ATP11A: variants seen among roughly 807,000 people sequenced by gnomAD.
The protein encoded by ATP11A is phospholipid-transporting ATPase IH.
A neutral mutation model predicts 154.4 loss-of-function variants in ATP11A; 81 were observed. That is an observed-to-expected ratio of 0.52 (90% confidence interval 0.44 to 0.63). The LOEUF (loss-of-function observed/expected upper bound fraction) is 0.63, where lower values mean the gene tolerates loss of function less well. Ranked by LOEUF, ATP11A falls within the 30% of genes least tolerant of loss-of-function variation. The pLI is 0.00. For synonymous variants in ATP11A, 623 were observed against 585.9 expected (o/e 1.06, Z -0.91); for missense variants, 1,316 against 1,474.3 (o/e 0.89, Z 1.76).
chr13:112,872,598 G>A (rs372449592), intron 26 of ATP11A, among the ~76,000 whole-genome samples: 13 of 152,342 alleles, frequency 8.5e-5, no homozygotes, highest in African/African-American at 2.2e-4. Context: ...GCGACAGAGC[G>A]AGACTGTCTC....
chr13:112,800,115 G>A (rs1176246528), intron 2 of ATP11A, among the ~76,000 whole-genome samples: 1 of 151,586 alleles, frequency 6.6e-6, no homozygotes, highest in African/African-American at 2.4e-5. Flanking sequence ...TTCAACATTA[G>A]GAAACTTAAC....
At position 112,851,090 on chromosome 13, in the gene ATP11A, T is replaced by C. The variant is rs768569757; in HGVS notation, c.1863T>C (p.Tyr621=). Residue 621 remains tyrosine (Y), a synonymous_variant, in exon 18 of 30, where the codon TAT becomes TAC. Transcript: ENST00000375645. ...VAYKRLIQEE[Y]EGICKLLQAA... ...ATAAAAGGCTGATCCAAGAAGAATA[T>C]GAAGGCATTTGTAAGCTGCTGCAGG... 1.2e-6 allele frequency: 2 copies of C among 1,614,230 alleles called. No homozygotes were observed. The highest frequency in any genetic ancestry group is 1.1e-5 in the South Asian group (1 of 91,092).
chr13:112,840,649 C>G (rs948586189), intron 16 of ATP11A, among the ~76,000 whole-genome samples: 3 of 151,898 alleles, frequency 2.0e-5, no homozygotes, highest in Admixed American at 6.6e-5. Flanking sequence ...TCACCAGGTG[C>G]CATCCTCTCT....
At chr13:112,816,338 C>A (rs1202589826) in intron 6 of ATP11A, 127 bp downstream of exon 6, 2 of 1,225,974 alleles carry the variant, frequency 1.6e-6, no homozygotes, top group Non-Finnish European at 2.2e-6. Flanking sequence ...CAGGGAGTTA[C>A]ACCAGCCATG....
chr13:112,729,746 C>T (rs932555602), intron 1 of ATP11A, among the ~76,000 whole-genome samples: 1 of 152,256 alleles, frequency 6.6e-6, no homozygotes, highest in Non-Finnish European at 1.5e-5. Flanking sequence ...GTGAGGCCAG[C>T]AGGCCGCTGA....
intron 2 of ATP11A, among the ~76,000 whole-genome samples, chr13:112,791,558 G>A (rs2077858817): frequency 6.6e-6 from 1 of 152,232 alleles, no homozygotes; most frequent in South Asian, 2.1e-4. Flanking sequence ...GCCCATGGCG[G>A]CTTTGGAGGA....
intron 1 of ATP11A, among the ~76,000 whole-genome samples, chr13:112,730,502 C>T (rs549671740): frequency 9.8e-5 from 15 of 152,326 alleles, no homozygotes; most frequent in Admixed American, 9.8e-4. Context: ...CCTGACACAT[C>T]CCTGTTCTCT....
intron 18 of ATP11A, 107 bp from the exon 19 acceptor site, chr13:112,854,172 G>A: frequency 1.4e-6 from 2 of 1,441,974 alleles, no homozygotes; most frequent in South Asian, 2.7e-5. Flanking sequence ...TTGATTTTGA[G>A]GGGCTACGAT....
intron 25 of ATP11A, among the ~76,000 whole-genome samples, chr13:112,870,916 C>T (rs1053497188): frequency 6.6e-6 from 1 of 152,198 alleles, no homozygotes; most frequent in Non-Finnish European, 1.5e-5. Flanking sequence ...GCACGCGGTC[C>T]TCACGGGTGT....
chr13:112,791,579 C>G (rs576611337), intron 2 of ATP11A, among the ~76,000 whole-genome samples: 1 of 152,324 alleles, frequency 6.6e-6, no homozygotes, highest in Admixed American at 6.5e-5. Context: ...GATGACAGAG[C>G]ATGGCGAATT....
chr13:112,878,942 G>A (rs561146417), intron 29 of ATP11A, among the ~76,000 whole-genome samples: 1 of 152,286 alleles, frequency 6.6e-6, no homozygotes, highest in Admixed American at 6.5e-5. Flanking sequence ...AAACCTCATT[G>A]TTTTTCAAAA....
chr13:112,802,332 C>T (rs1437059776), intron 2 of ATP11A, among the ~76,000 whole-genome samples: 4 of 151,682 alleles, frequency 2.6e-5, no homozygotes, highest in East Asian at 1.9e-4. Flanking sequence ...GGCAACAGAG[C>T]GAGACTCCGT....
chr13:112,875,969 G>T lies in ATP11A; in HGVS notation c.3327+28G>T. 1 of 1,594,806 alleles carries T rather than the reference G, an allele frequency of 6.3e-7. No individual in the cohort carries two copies. Among genetic ancestry groups the T allele is most frequent in the Non-Finnish European group, 8.5e-7 (1 of 1,173,022 alleles). ...ACGGAGTGTCCCCAGCCGGGGCGGG[G>T]GTGCCTCAGGGCCCTGGCCTTAGGA... is the stretch of plus-strand genomic sequence containing the variant. On this transcript the variant is annotated intron_variant, in intron 28 of 29. Transcript: ENST00000375645. The surrounding 1 kb of genome is among the most constrained non-coding windows in gnomAD (Gnocchi z 4.1).
At chr13:112,837,106 T>G (rs2079258455) in intron 16 of ATP11A, among the ~76,000 whole-genome samples, 1 of 152,232 alleles carries the variant, frequency 6.6e-6, no homozygotes, top group Non-Finnish European at 1.5e-5. Flanking sequence ...CCTGGCTGTT[T>G]GCCCTGGACA....
At chr13:112,802,342 T>C (rs2078159663) in intron 2 of ATP11A, among the ~76,000 whole-genome samples, 1 of 150,232 alleles carries the variant, frequency 6.7e-6, no homozygotes, top group Admixed American at 6.6e-5. Context: ...CGAGACTCCG[T>C]CTCACAAAAA....
rs1031348098 is a variant in ATP11A, at chr13:112,882,724, CCAT to C, written c.*861_*863del. ...CCCTGCCGCAGAAGTGCCAGGATGT[CCAT>C]CAGCCACTCGCCAGGGCACGGAGCC... On this transcript the variant is annotated 3_prime_UTR_variant, in exon 30 of 30. Coordinates refer to ENST00000375645, the MANE Select transcript of ATP11A (RefSeq NM_015205.3). This position sits in a 1 kb window ranked among gnomAD's most constrained non-coding sequence, Gnocchi z 5.1. The C allele has an allele frequency of 1.1e-4, 42 of 399,962 alleles. No homozygotes were observed. The highest frequency in any genetic ancestry group is 8.0e-4 in the African/African-American group (39 of 48,754). The allele number at this position is 399,962 out of a possible 1,614,324, so 24.8% of individuals were successfully genotyped here. A position where few individuals can be genotyped will look rare whatever the true frequency, so the allele number is the denominator to read the frequency against.
chr13:112,694,087 A>C (rs992300491), intron 1 of ATP11A, among the ~76,000 whole-genome samples: 3 of 152,234 alleles, frequency 2.0e-5, no homozygotes, highest in African/African-American at 7.2e-5. Flanking sequence ...CGGGTAGCTT[A>C]GATACTTTTC....
chr13:112,880,959 C>T, intron 29 of ATP11A: 5 of 992,294 alleles, frequency 5.0e-6, no homozygotes, highest in Non-Finnish European at 6.0e-6. Context: ...GACACAGCTT[C>T]ACTTAAAAGG....
chr13:112,693,246 A>G (rs1409312343), intron 1 of ATP11A, among the ~76,000 whole-genome samples: 1 of 152,092 alleles, frequency 6.6e-6, no homozygotes. Context: ...GTATTTGTAA[A>G]TGGTGCCGTG....
Sources: allele counts gnomAD v4.1 joint callset (sites outside exome capture counted in the v4.1 genomes callset), GRCh38; gene constraint gnomAD v4.1.1; non-coding constraint Gnocchi (gnomAD v3.1); transcripts MANE v1.5; gene names NCBI Gene and HGNC (gene_info 2026-07-23, HGNC 2026-07-21).